AGBL4: variants seen among roughly 807,000 people sequenced by gnomAD.
AGBL4 encodes cytosolic carboxypeptidase 6.
AGBL4 carries 58 observed loss-of-function variants against 66.4 expected under a neutral mutation model. That is an observed-to-expected ratio of 0.87 (90% CI 0.71 to 1.09). The LOEUF is 1.09. AGBL4 is among the 50% of genes least tolerant of loss of function. AGBL4 has a pLI of 0.00. For missense variants in AGBL4, 579 were observed against 631.0 expected (o/e 0.92, Z 0.88); for synonymous variants, 234 against 222.9 (o/e 1.05, Z -0.44).
chr1:48,856,073 A>G (rs1647142470), intron 6 of AGBL4, among the ~76,000 whole-genome samples: 1 of 152,124 alleles, frequency 6.6e-6, no homozygotes, highest in Admixed American at 6.5e-5. Context: ...ACATGCAGAG[A>G]AAAAAAGCAA....
At chr1:49,621,348 T>A (rs1645357365) in intron 3 of AGBL4, among the ~76,000 whole-genome samples, 1 of 152,160 alleles carries the variant, frequency 6.6e-6, no homozygotes, top group South Asian at 2.1e-4. Flanking sequence ...ACATTCTGTA[T>A]TTGTCCCGAT....
At chr1:49,690,969 G>A (rs1646875533) in intron 3 of AGBL4, among the ~76,000 whole-genome samples, 1 of 152,104 alleles carries the variant, frequency 6.6e-6, no homozygotes, top group Non-Finnish European at 1.5e-5. Flanking sequence ...GCTAGGCCTG[G>A]AATGTATGTC....
At chr1:48,583,189 C>T (rs1379960602) in intron 11 of AGBL4, among the ~76,000 whole-genome samples, 1 of 152,312 alleles carries the variant, frequency 6.6e-6, no homozygotes, top group East Asian at 1.9e-4. Flanking sequence ...TGCTCTTTGC[C>T]CTACAAACCC....
chr1:49,992,928 G>A (rs777195761), intron 1 of AGBL4, among the ~76,000 whole-genome samples: 11 of 152,124 alleles, frequency 7.2e-5, no homozygotes, highest in East Asian at 1.9e-4. Context: ...GACGGCTCAC[G>A]TTTTCTTTTT....
chr1:49,542,477 T>C (rs952767976), intron 3 of AGBL4, among the ~76,000 whole-genome samples: 6 of 152,132 alleles, frequency 3.9e-5, no homozygotes, highest in African/African-American at 1.2e-4. Flanking sequence ...CTTTAAGGAC[T>C]GTAACACTCA....
At chr1:49,284,537 G>A (rs1644359176) in intron 3 of AGBL4, among the ~76,000 whole-genome samples, 1 of 152,024 alleles carries the variant, frequency 6.6e-6, no homozygotes, top group South Asian at 2.1e-4. Context: ...AACTTTAAAT[G>A]TAAATGGACT....
intron 1 of AGBL4, among the ~76,000 whole-genome samples, chr1:49,873,012 T>C (rs116643027): frequency 0.011 from 1,660 of 152,088 alleles, 27 homozygotes; most frequent in African/African-American, 0.038. Context: ...CATTTTAAGA[T>C]ATGCTTTTCT....
intron 2 of AGBL4, among the ~76,000 whole-genome samples, chr1:49,734,866 C>G (rs1182056153): frequency 1.3e-5 from 2 of 151,752 alleles, no homozygotes; most frequent in African/African-American, 4.8e-5. Context: ...TATTTCAAAA[C>G]TTAGTATAAA....
chr1:49,552,625 T>A (rs1653057156), intron 3 of AGBL4, among the ~76,000 whole-genome samples: 1 of 152,224 alleles, frequency 6.6e-6, no homozygotes. Context: ...TCTCCCACCT[T>A]CACAGTTGTG....
chr1:49,192,250 A>AT (rs1183791097), intron 4 of AGBL4, among the ~76,000 whole-genome samples: 1 of 152,062 alleles, frequency 6.6e-6, no homozygotes, highest in African/African-American at 2.4e-5. Context: ...CATGTTTTAT[A>AT]TATTTGTTTT....
chr1:48,683,694 G>T (rs903913129), intron 6 of AGBL4, among the ~76,000 whole-genome samples: 1 of 152,178 alleles, frequency 6.6e-6, no homozygotes, highest in Non-Finnish European at 1.5e-5. Context: ...ATTCTAGGTC[G>T]TCTGGCTCCA....
At chr1:49,643,180 C>T (rs374531045) in intron 3 of AGBL4, among the ~76,000 whole-genome samples, 3 of 151,710 alleles carry the variant, frequency 2.0e-5, no homozygotes, top group South Asian at 2.1e-4. Flanking sequence ...AAAAAATACA[C>T]CAAACGGGAC....
At chr1:49,056,945 A>G (rs1027080090) in intron 4 of AGBL4, among the ~76,000 whole-genome samples, 5 of 152,136 alleles carry the variant, frequency 3.3e-5, no homozygotes, top group African/African-American at 9.7e-5. Flanking sequence ...AAGTTCTCTA[A>G]AAGACTTTAA....
Position 49,123,195 on chromosome 1 carries a change from G to C in AGBL4, c.378-77395C>G, listed in dbSNP as rs544916299. 5.1e-4 allele frequency among the ~76,000 whole-genome samples: 78 copies of C among 152,152 alleles called. 1 individual carries two copies. Among genetic ancestry groups the C allele is most frequent in the African/African-American group, 1.7e-3 (70 of 41,492 alleles). On this transcript the variant is annotated intron_variant, in intron 4 of 13. Transcript: ENST00000371839. ...GTTATTGCCCACTATTGTTATTATA[G>C]TATCGTATTATTTGATCTTTACAAT... is the stretch of plus-strand genomic sequence containing the variant.
chr1:49,821,362 A>C (rs1465819920), intron 2 of AGBL4, among the ~76,000 whole-genome samples: 4 of 152,210 alleles, frequency 2.6e-5, no homozygotes, highest in Non-Finnish European at 5.9e-5. Flanking sequence ...CTGTTTCTTC[A>C]TCTGTAAAAT....
chr1:49,737,855 G>A (rs919448808), intron 2 of AGBL4, among the ~76,000 whole-genome samples: 61 of 152,164 alleles, frequency 4.0e-4, no homozygotes, highest in African/African-American at 1.3e-3. Context: ...TTAGATGGCC[G>A]AATAGGAATA....
intron 4 of AGBL4, among the ~76,000 whole-genome samples, chr1:49,097,086 G>A (rs940570379): frequency 6.6e-6 from 1 of 152,166 alleles, no homozygotes; most frequent in Non-Finnish European, 1.5e-5. Context: ...GAATAAAATT[G>A]TGTTGTTGTA....
chr1:48,923,500 G>A (rs1654267615), intron 5 of AGBL4, among the ~76,000 whole-genome samples: 2 of 152,204 alleles, frequency 1.3e-5, no homozygotes, highest in African/African-American at 4.8e-5. Flanking sequence ...TGGAGGAAGT[G>A]CACAGCACTG....
chr1:48,619,401 T>C (rs925943801), intron 9 of AGBL4, among the ~76,000 whole-genome samples: 2 of 152,132 alleles, frequency 1.3e-5, no homozygotes, highest in Admixed American at 1.3e-4. Flanking sequence ...CGCCGAGCCT[T>C]AGTTTTCTCA....
Sources: allele counts gnomAD v4.1 joint callset (sites outside exome capture counted in the v4.1 genomes callset), GRCh38; gene constraint gnomAD v4.1.1; transcripts MANE v1.5; gene names NCBI Gene and HGNC (gene_info 2026-07-23, HGNC 2026-07-21).